The following RBMS3 variants were observed in gnomAD, a reference collection of about 807,000 sequenced individuals.
RBMS3 encodes RNA-binding motif, single-stranded-interacting protein 3.
Under a neutral mutation model 66.8 loss-of-function variants are expected in RBMS3, and 27 were observed. The ratio of observed to expected loss-of-function variants is 0.40; its 90% CI spans 0.30 to 0.56. RBMS3 has a LOEUF of 0.56. RBMS3 is among the 20% of genes least tolerant of loss of function. The pLI is 0.40. For synonymous variants in RBMS3, 188 were observed against 183.0 expected, an observed-to-expected ratio of 1.03 and a Z score of -0.22; for missense variants, 513 against 549.5, an observed-to-expected ratio of 0.93 and a Z score of 0.66.
At chr3:29,636,475 G>T (rs9846261) in intron 4 of RBMS3, among the ~76,000 whole-genome samples, 48,288 of 151,742 alleles carry the variant, frequency 0.32, 8,202 homozygotes, top group African/African-American at 0.43. Flanking sequence ...AAACTATTCA[G>T]GTATGTGCGA....
intron 11 of RBMS3, among the ~76,000 whole-genome samples, chr3:29,941,436 G>C (rs1013915967): frequency 6.6e-6 from 1 of 151,722 alleles, no homozygotes; most frequent in East Asian, 1.9e-4. Context: ...AAATGGTAAT[G>C]GGTACATCTA....
intron 1 of RBMS3, among the ~76,000 whole-genome samples, chr3:29,382,367 T>G (rs1174568121): frequency 6.6e-6 from 1 of 152,174 alleles, no homozygotes; most frequent in Admixed American, 6.5e-5. Context: ...CTCCCACATA[T>G]GTAATAATGT....
chr3:29,648,576 G>A (rs1217106121), intron 4 of RBMS3, among the ~76,000 whole-genome samples: 1 of 151,878 alleles, frequency 6.6e-6, no homozygotes, highest in Non-Finnish European at 1.5e-5. Context: ...ACTGGCTAGG[G>A]GAAATGACTT....
At chr3:29,598,481 T>C (rs140261144) in intron 4 of RBMS3, among the ~76,000 whole-genome samples, 3,456 of 152,230 alleles carry the variant, frequency 0.023, 64 homozygotes, top group South Asian at 0.072. Context: ...ATTGAGATTC[T>C]TAATATCTCT....
At chr3:29,653,330 T>C (rs867682677) in intron 4 of RBMS3, among the ~76,000 whole-genome samples, 4 of 152,144 alleles carry the variant, frequency 2.6e-5, no homozygotes, top group African/African-American at 7.2e-5. Context: ...GTAGAAACTA[T>C]TACCCTCACA....
rs1417645317 is a variant in RBMS3 at position 29,284,357 on chromosome 3, C to T, written c.75+2601C>T. Reference sequence around the variant, plus strand: ...CCAATCCACAAGGGCTATTTACTATCATTAGTTTTTTGGGGAAAATCTTCA... The same window carrying T: ...CCAATCCACAAGGGCTATTTACTATTATTAGTTTTTTGGGGAAAATCTTCA... On this transcript the variant is annotated intron_variant, in intron 1 of 14. Transcript: ENST00000383767. Among the ~76,000 whole-genome samples the T allele has an allele frequency of 2.6e-4, 40 of 152,046 alleles. 1 individual carries two copies. Among genetic ancestry groups the T allele is most frequent in the Admixed American group, 2.4e-3 (37 of 15,252 alleles).
At chr3:29,581,030 A>G (rs375233487) in intron 3 of RBMS3, among the ~76,000 whole-genome samples, 1 of 152,200 alleles carries the variant, frequency 6.6e-6, no homozygotes, top group African/African-American at 2.4e-5. Context: ...GATTCAGACT[A>G]TAATGGCTTA....
intron 6 of RBMS3, among the ~76,000 whole-genome samples, chr3:29,768,927 G>A (rs1033612673): frequency 6.6e-6 from 1 of 151,954 alleles, no homozygotes; most frequent in South Asian, 2.1e-4. Context: ...CTGATTTTGG[G>A]GAAAGTCAAA....
intron 4 of RBMS3, among the ~76,000 whole-genome samples, chr3:29,628,251 T>A (rs1350397505): frequency 6.6e-6 from 1 of 152,134 alleles, no homozygotes; most frequent in Non-Finnish European, 1.5e-5. Flanking sequence ...TGATTTTGTG[T>A]AAACAACAAT....
rs78126838 is a variant in RBMS3, at chr3:29,881,734, A to T, written c.745-2428A>T. On this transcript the variant is annotated intron_variant, in intron 7 of 14. Coordinates refer to ENST00000383767, the MANE Select transcript of RBMS3 (RefSeq NM_001003793.3). ...AGCTAGAATTGATTGGTTAGCTAGA[A>T]TCTATGAGGAATTCAAGTAAAATGC... Among the ~76,000 whole-genome samples, 605 of 152,274 alleles carry T rather than the reference A, an allele frequency of 4.0e-3. 10 individuals are homozygous for T. The highest frequency in any genetic ancestry group is 0.029 in the East Asian group (152 of 5,166).
At chr3:29,683,700 A>G (rs145080656) in intron 4 of RBMS3, among the ~76,000 whole-genome samples, 2 of 152,328 alleles carry the variant, frequency 1.3e-5, no homozygotes, top group Non-Finnish European at 2.9e-5. Flanking sequence ...TATTTCTGGG[A>G]GTGCATTTTC....
chr3:29,622,641 C>G (rs2048907317), intron 4 of RBMS3, among the ~76,000 whole-genome samples: 1 of 152,102 alleles, frequency 6.6e-6, no homozygotes, highest in Admixed American at 6.6e-5. Context: ...GGACCTGAAT[C>G]TTAGGTGAAT....
At chr3:29,892,535 AC>A (rs2060025597) in intron 8 of RBMS3, among the ~76,000 whole-genome samples, 1 of 151,410 alleles carries the variant, frequency 6.6e-6, no homozygotes, top group Non-Finnish European at 1.5e-5. Context: ...GAGCAAAATC[AC>A]CTGTGGCTTA....
At chr3:29,484,068 TATC>T (rs2043236088) in intron 2 of RBMS3, among the ~76,000 whole-genome samples, 1 of 152,226 alleles carries the variant, frequency 6.6e-6, no homozygotes, top group Admixed American at 6.5e-5. Context: ...AGGCTTCTGT[TATC>T]ATACACAAAT....
chr3:29,999,905 T>A (rs1699501655), intron 14 of RBMS3, among the ~76,000 whole-genome samples: 1 of 151,642 alleles, frequency 6.6e-6, no homozygotes, highest in African/African-American at 2.4e-5. Context: ...ACTTAAAGTA[T>A]AATAATAATA....
chr3:29,514,686 G>C (rs1436018940), intron 3 of RBMS3, among the ~76,000 whole-genome samples: 1 of 79,716 alleles, frequency 1.3e-5, no homozygotes, highest in Non-Finnish European at 2.2e-5. Flanking sequence ...TATATGATAG[G>C]CATACATATA....
At chr3:29,828,845 T>A (rs538028793) in intron 6 of RBMS3, among the ~76,000 whole-genome samples, 55 of 152,310 alleles carry the variant, frequency 3.6e-4, no homozygotes, top group Non-Finnish European at 7.8e-4. Context: ...TTCCTGGCAA[T>A]CAATTTGCAT....
chr3:29,360,547 T>C (rs2037514820), intron 1 of RBMS3, among the ~76,000 whole-genome samples: 1 of 152,046 alleles, frequency 6.6e-6, no homozygotes, highest in Non-Finnish European at 1.5e-5. Flanking sequence ...AAGAGTTCTG[T>C]AGATGTCTAT....
chr3:29,865,465 G>A (rs2059337076), intron 6 of RBMS3, among the ~76,000 whole-genome samples: 1 of 152,144 alleles, frequency 6.6e-6, no homozygotes, highest in Non-Finnish European at 1.5e-5. Context: ...AAGAAACCCA[G>A]AATTTTCTGT....
Sources: gnomAD v4.1 joint callset for allele counts (sites outside exome capture counted in the v4.1 genomes callset) on GRCh38, gnomAD v4.1.1 for gene constraint, MANE v1.5 for transcripts, NCBI Gene and HGNC (gene_info 2026-07-23, HGNC 2026-07-21) for gene names.